The following C16orf89 variants were observed in gnomAD, a reference collection of about 807,000 sequenced individuals.
The protein encoded by C16orf89 is UPF0764 protein C16orf89.
In C16orf89, 57 loss-of-function variants were observed where a neutral mutation model predicts 41.5. The observed-to-expected ratio is 1.38, with a 90% CI of 1.11 to 1.71. The LOEUF is 1.71. Among genes scored for constraint, C16orf89 ranks in the 40% most tolerant of loss-of-function variants. The probability of loss-of-function intolerance (pLI) is 0.00; values close to 1 mark genes in which losing one functional copy is unlikely to be tolerated. For missense variants in C16orf89, 575 were observed against 445.9 expected (o/e 1.29, Z -2.61); for synonymous variants, 223 against 190.6 (o/e 1.17, Z -1.40).
At position 5,058,478 on chromosome 16, in the gene C16orf89, TCCCTGGGC is replaced by T. The variant is rs779005758; in HGVS notation, c.627+7_627+14del. The stretch of plus-strand genomic sequence containing the variant: ...CCCCTTCCCCTGGCACGGCGGGGGC[TCCCTGGGC>T]ACTCACCATTCTGGCCCAGAGGAAG... On this transcript the variant is annotated splice_region_variant and intron_variant, in intron 4 of 7. Transcript: ENST00000472572. 1.3e-5 allele frequency: 21 copies of T among 1,576,902 alleles called. No individual in the cohort carries two copies. The African/African-American group carries it at 2.7e-4, about 20-fold the overall frequency.
chr16:5,047,878 C>G lies in C16orf89; in HGVS notation c.955G>C (p.Asp319His), dbSNP rs560525151. ...AAACTCCCTTGGGTATTTTCATTAC[C>G]TGGAAATTGTTTTTCTCGCCTCTTC... ...RVKRREKQFP[D>H]GCSSHNTATA... The change falls in exon 7 of 8, where the codon GAT becomes CAT. Residue 319 changes from aspartate to histidine, a missense_variant and splice_region_variant. By Grantham distance (81) the Asp-to-His change is moderately conservative (BLOSUM62 -1). Coordinates refer to ENST00000472572, the MANE Select transcript of C16orf89 (RefSeq NM_001098514.3). 21 of 1,546,058 alleles carry G rather than the reference C, an allele frequency of 1.4e-5. No homozygotes were observed. In the Admixed American group the frequency reaches 1.8e-4, roughly 14 times the overall value.
At chr16:5,045,165 C>A (rs1214703347) in intron 7 of C16orf89, among the ~76,000 whole-genome samples, 1 of 152,232 alleles carries the variant, frequency 6.6e-6, no homozygotes, top group Non-Finnish European at 1.5e-5. Flanking sequence ...CCCTGACTTA[C>A]GTACCTCAAT....
chr16:5,045,831 G>T lies in C16orf89; in HGVS notation c.956-1353C>A, dbSNP rs184425120. Among the ~76,000 whole-genome samples the T allele has an allele frequency of 2.6e-5, 4 of 152,244 alleles. No individual in the cohort carries two copies. The East Asian group carries it at 7.7e-4, about 29-fold the overall frequency. ...CTACACCAGCTGCCTCCTGCTCCGT[G>T]GGCTTGTGTCATAAGTGCAAGAATC... On this transcript the variant is annotated intron_variant, in intron 7 of 7. Coordinates refer to ENST00000472572, the MANE Select transcript of C16orf89 (RefSeq NM_001098514.3).
At chr16:5,065,599 G>T (rs770522045) in intron 1 of C16orf89, 102 bp downstream of exon 1, 1 of 1,333,556 alleles carries the variant, frequency 7.5e-7, no homozygotes, top group Non-Finnish European at 1.0e-6. Flanking sequence ...GGCTATACTG[G>T]GGCCAGGAGT....
intron 7 of C16orf89, among the ~76,000 whole-genome samples, 197 bp downstream of exon 7, chr16:5,047,681 T>C (rs1055377842): frequency 6.6e-6 from 1 of 152,140 alleles, no homozygotes; most frequent in Non-Finnish European, 1.5e-5. Flanking sequence ...TTGCCCAGGC[T>C]ATCTCCCCAC....
intron 2 of C16orf89, among the ~76,000 whole-genome samples, chr16:5,061,504 ACCCCCC>A (rs1567159548): frequency 3.2e-5 from 2 of 62,594 alleles, no homozygotes; most frequent in African/African-American, 1.1e-4. Context: ...AAAAAAAAAA[ACCCCCC>A]CAAAAAAAAA....
intron 1 of C16orf89, among the ~76,000 whole-genome samples, chr16:5,064,436 T>G (rs759202): frequency 0.95 from 144,202 of 152,286 alleles, 68,755 homozygotes; most frequent in East Asian, 1. Flanking sequence ...AGATGACATA[T>G]ACACACAATC....
At chr16:5,057,179 G>A (rs1005167875) in intron 4 of C16orf89, among the ~76,000 whole-genome samples, 2 of 150,724 alleles carry the variant, frequency 1.3e-5, no homozygotes, top group East Asian at 3.9e-4. Context: ...AGAGGTTGCA[G>A]TGAGCTGAGA....
intron 6 of C16orf89, among the ~76,000 whole-genome samples, chr16:5,054,556 C>T (rs1430732920): frequency 6.6e-6 from 1 of 152,172 alleles, no homozygotes; most frequent in Non-Finnish European, 1.5e-5. Flanking sequence ...TTTCCTCAGG[C>T]CTCTAGTTTT....
At position 5,060,389 on chromosome 16, in the gene C16orf89, A is replaced by C; in HGVS notation, c.406T>G (p.Trp136Gly). ...QPGFWKLPHAWIHTDASLVYP... is the reference protein window; with the variant it reads ...QPGFWKLPHAGIHTDASLVYP... ...ACCAAGGAGGCATCAGTGTGGATCC[A>C]GGCATGTGGGAGCTTCCAAAACCCG... The change falls in exon 3 of 8, where the codon TGG (tryptophan) becomes GGG (glycine). Residue 136 changes from tryptophan to glycine, a missense_variant. By Grantham distance (184) the Trp-to-Gly change is radical. Transcript: ENST00000472572. 2 of 1,613,042 alleles carry C rather than the reference A, an allele frequency of 1.2e-6. No individual in the cohort carries two copies. Among genetic ancestry groups the C allele is most frequent in the South Asian group, 1.1e-5 (1 of 91,012 alleles).
intron 1 of C16orf89, among the ~76,000 whole-genome samples, chr16:5,063,202 A>G (rs2142678277): frequency 6.6e-6 from 1 of 152,202 alleles, no homozygotes; most frequent in Middle Eastern, 3.4e-3. Context: ...AGGGCGAGGG[A>G]TGAAGTGGGG....
intron 5 of C16orf89, 161 bp from the exon 6 acceptor site, chr16:5,055,511 C>T: frequency 4.2e-6 from 4 of 953,526 alleles, no homozygotes; most frequent in Non-Finnish European, 6.3e-6. Flanking sequence ...TGAGCCTTTG[C>T]CTGACCAACT....
At chr16:5,045,299 C>T (rs530857809) in intron 7 of C16orf89, among the ~76,000 whole-genome samples, 1 of 152,230 alleles carries the variant, frequency 6.6e-6, no homozygotes, top group Non-Finnish European at 1.5e-5. Context: ...TTCCTGACCC[C>T]AGTGGCCTTC....
At chr16:5,048,089 G>A (rs8053427) in intron 6 of C16orf89, 125 bp from the exon 7 acceptor site, 414,293 of 622,474 alleles carry the variant, frequency 0.67, 138,997 homozygotes, top group East Asian at 0.79. Context: ...GTGCAGTAAC[G>A]CAATCATAGC....
chr16:5,043,189 C>G (rs1458783731), downstream of C16orf89: 1 of 152,318 alleles, frequency 6.6e-6, no homozygotes, highest in Non-Finnish European at 1.5e-5. Context: ...GTGAGCCTCC[C>G]GAGTAGCTGG....
intron 6 of C16orf89, among the ~76,000 whole-genome samples, chr16:5,051,024 A>G (rs1956385920): frequency 6.6e-6 from 1 of 152,226 alleles, no homozygotes; most frequent in Non-Finnish European, 1.5e-5. Context: ...TAAATCTCTC[A>G]ATACGTTAGG....
chr16:5,065,803 C>T lies in C16orf89; in HGVS notation c.106G>A (p.Ala36Thr), dbSNP rs778342882. 2 of 1,614,174 alleles carry T rather than the reference C, an allele frequency of 1.2e-6. No individual in the cohort carries two copies. The highest frequency in any genetic ancestry group is 1.7e-6 in the Non-Finnish European group (2 of 1,179,970). ...LDTAESKATI[A>T]DLILSALERA... Reference sequence around the variant, plus strand: ...TCCAGCGCAGACAGGATCAGGTCTGCAATGGTGGCTTTACTTTCAGCAGTG... The same window carrying T: ...TCCAGCGCAGACAGGATCAGGTCTGTAATGGTGGCTTTACTTTCAGCAGTG... Residue 36 changes from alanine to threonine, a missense_variant, in exon 1 of 8, where the codon GCA (alanine) becomes ACA (threonine). Physicochemically the swap from Ala to Thr is moderately conservative, Grantham distance 58. Transcript: ENST00000472572.
At chr16:5,056,523 G>C (rs1342079877) in intron 4 of C16orf89, among the ~76,000 whole-genome samples, 1 of 152,188 alleles carries the variant, frequency 6.6e-6, no homozygotes, top group African/African-American at 2.4e-5. Flanking sequence ...CAGCTGGGAA[G>C]TGCCCAATGT....
At chr16:5,061,169 G>C (rs1330684542) in intron 2 of C16orf89, among the ~76,000 whole-genome samples, 1 of 149,304 alleles carries the variant, frequency 6.7e-6, no homozygotes, top group Non-Finnish European at 1.5e-5. Context: ...GGCTGAGGCA[G>C]GAGAATAGCA....
Sources: gnomAD v4.1 joint callset for allele counts (sites outside exome capture counted in the v4.1 genomes callset) on GRCh38, gnomAD v4.1.1 for gene constraint, MANE v1.5 for transcripts, NCBI Gene and HGNC (gene_info 2026-07-23, HGNC 2026-07-21) for gene names.